NBAS: variants seen among roughly 807,000 people sequenced by gnomAD.
NBAS encodes the protein NBAS subunit of NRZ tethering complex, also known as NAG/BC035112 fusion.
A neutral mutation model predicts 302.5 loss-of-function variants in NBAS; 219 were observed. That is an observed-to-expected ratio of 0.72 (90% CI 0.65 to 0.81). The LOEUF (loss-of-function observed/expected upper bound fraction) is 0.81, where lower values mean the gene tolerates loss of function less well. Ranked by LOEUF, NBAS falls within the 30% of genes least tolerant of loss-of-function variation. NBAS has a pLI of 0.00. For missense variants in NBAS, 2,932 were observed against 2,841.6 expected, an observed-to-expected ratio of 1.03 and a Z score of -0.72; for synonymous variants, 1,118 against 1,021.6, an observed-to-expected ratio of 1.09 and a Z score of -1.80.
the NBAS span, among the ~76,000 whole-genome samples, chr2:15,151,327 C>CT: frequency 6.6e-6 from 1 of 152,200 alleles, no homozygotes; most frequent in African/African-American, 2.4e-5. Context: ...CCTTAGTTTT[C>CT]ATTATGGAGT....
At chr2:15,063,130 G>A in the NBAS span, among the ~76,000 whole-genome samples, 2 of 152,204 alleles carry the variant, frequency 1.3e-5, no homozygotes, top group Admixed American at 6.5e-5. Context: ...GGCAACTCCA[G>A]TACAAATCCG....
At chr2:15,293,385 T>C (rs1039279189) in intron 40 of NBAS, among the ~76,000 whole-genome samples, 1 of 152,206 alleles carries the variant, frequency 6.6e-6, no homozygotes, top group African/African-American at 2.4e-5. Flanking sequence ...GGGATATTAT[T>C]CTACGATTCT....
chr2:15,309,290 T>C, intron 38 of NBAS, 43 bp from the exon 39 acceptor site: 1 of 1,506,722 alleles, frequency 6.6e-7, no homozygotes, highest in South Asian at 1.2e-5. Context: ...AGGTTGCATA[T>C]GATATTCATA....
At chr2:15,158,450 T>C in the NBAS span, among the ~76,000 whole-genome samples, 2 of 152,190 alleles carry the variant, frequency 1.3e-5, no homozygotes, top group African/African-American at 4.8e-5. Context: ...GAGGCTGCCA[T>C]GGAATCTGCT....
At position 15,511,222 on chromosome 2, in the gene NBAS, C is replaced by T. The variant is rs756189576; in HGVS notation, c.875G>A (p.Gly292Glu). The change falls in exon 10 of 52, where the codon GGG becomes GAG. Residue 292 changes from glycine (G) to glutamate (E), a missense_variant. Transcript: ENST00000281513. Reference sequence around the variant, plus strand: ...ATAACTCATACTTACTGCAGTAACCCCGTCTCCACCATTAGTAACCTGCTT... The same window carrying T: ...ATAACTCATACTTACTGCAGTAACCTCGTCTCCACCATTAGTAACCTGCTT... ...YYKQVTNGGD[G>E]VTAVPKTLGL... The T allele has an allele frequency of 2.7e-5, 44 of 1,613,864 alleles. 1 individual carries two copies. In the East Asian group the frequency reaches 9.4e-4, roughly 34 times the overall value.
intron 32 of NBAS, among the ~76,000 whole-genome samples, chr2:15,358,553 T>G (rs777420523): frequency 6.6e-6 from 1 of 152,100 alleles, no homozygotes; most frequent in Non-Finnish European, 1.5e-5. Context: ...CAAGCAATCC[T>G]CCCACATCAG....
At chr2:14,900,056 A>G in the NBAS span, among the ~76,000 whole-genome samples, 1 of 151,958 alleles carries the variant, frequency 6.6e-6, no homozygotes, top group African/African-American at 2.4e-5. Flanking sequence ...AGGACATCCA[A>G]AAAGTGGTTA....
chr2:15,062,445 C>T, the NBAS span, among the ~76,000 whole-genome samples: 17 of 152,164 alleles, frequency 1.1e-4, no homozygotes, highest in African/African-American at 4.1e-4. Flanking sequence ...CCAGCATGAT[C>T]CTTTTATGTG....
At chr2:14,934,535 G>A in the NBAS span, among the ~76,000 whole-genome samples, 1 of 152,116 alleles carries the variant, frequency 6.6e-6, no homozygotes, top group Non-Finnish European at 1.5e-5. Flanking sequence ...AAAAAGCCCT[G>A]TGTTGTACAA....
At chr2:15,391,423 A>G (rs1675599024) in intron 28 of NBAS, among the ~76,000 whole-genome samples, 1 of 152,066 alleles carries the variant, frequency 6.6e-6, no homozygotes, top group Non-Finnish European at 1.5e-5. Context: ...GTACAAATTG[A>G]TGAGACATGA....
intron 48 of NBAS, among the ~76,000 whole-genome samples, chr2:15,209,060 C>T (rs1666282424): frequency 6.6e-6 from 1 of 151,554 alleles, no homozygotes; most frequent in Non-Finnish European, 1.5e-5. Flanking sequence ...GACAGATTAA[C>T]TTAAAAACAA....
At chr2:15,057,953 G>C in the NBAS span, among the ~76,000 whole-genome samples, 1 of 152,154 alleles carries the variant, frequency 6.6e-6, no homozygotes, top group East Asian at 1.9e-4. Context: ...GTAGATGTTG[G>C]CGCGGATGCA....
chr2:15,363,388 C>G (rs368017136), intron 32 of NBAS, among the ~76,000 whole-genome samples: 9 of 152,138 alleles, frequency 5.9e-5, no homozygotes, highest in Non-Finnish European at 1.3e-4. Flanking sequence ...CTTATGTTAT[C>G]AGATCAATTA....
rs147164280 is a variant in NBAS at position 15,234,716 on chromosome 2, T to A, written c.5975A>T (p.Asp1992Val). ...ETLQKYSHLY[D>V]LSRSEKEKLH... ...TTTCTCTTTTTCTGATCGGGACAGA[T>A]CATAGAGGTGACTGTATTTTTGCAG... The change falls in exon 46 of 52, where the codon GAT becomes GTT. Residue 1992 changes from aspartate (D) to valine (V), a missense_variant. Coordinates refer to ENST00000281513, the MANE Select transcript of NBAS (RefSeq NM_015909.4). 2 of 1,614,112 alleles carry A rather than the reference T, an allele frequency of 1.2e-6. No homozygotes were observed. The highest frequency in any genetic ancestry group is 4.5e-5 in the East Asian group (2 of 44,872).
At chr2:14,785,999 G>A in the NBAS span, among the ~76,000 whole-genome samples, 27 of 151,766 alleles carry the variant, frequency 1.8e-4, no homozygotes, top group Admixed American at 7.9e-4. Context: ...CAATTTCAGA[G>A]CCTGTTATTG....
At chr2:14,812,155 C>T in the NBAS span, among the ~76,000 whole-genome samples, 4 of 152,146 alleles carry the variant, frequency 2.6e-5, no homozygotes, top group African/African-American at 9.7e-5. Flanking sequence ...AGGCTAGGGG[C>T]CTCAGCTTCC....
At position 15,379,168 on chromosome 2, in the gene NBAS, C is replaced by T. The variant is rs144512981; in HGVS notation, c.3590+434G>A. On this transcript the variant is annotated intron_variant, in intron 30 of 51. Coordinates refer to ENST00000281513, the MANE Select transcript of NBAS (RefSeq NM_015909.4). ...CCAGGAAGTGACTTCGGAGGTTTAT[C>T]ATCTAATCAGGTCCCTTGTCTCTCT... Among the ~76,000 whole-genome samples, 137 of 149,040 alleles carry T rather than the reference C, an allele frequency of 9.2e-4. 1 individual carries two copies. The East Asian group carries it at 0.024, about 26-fold the overall frequency.
intron 9 of NBAS, among the ~76,000 whole-genome samples, chr2:15,530,678 T>C (rs1413997645): frequency 1.3e-5 from 2 of 151,954 alleles, no homozygotes; most frequent in African/African-American, 4.8e-5. Context: ...TGAAAAAAAT[T>C]ACAGGTCATT....
chr2:14,789,414 G>A, the NBAS span, among the ~76,000 whole-genome samples: 1 of 152,158 alleles, frequency 6.6e-6, no homozygotes, highest in African/African-American at 2.4e-5. Flanking sequence ...GAAATCACCT[G>A]TCTTCTGCGT....
Sources: gnomAD v4.1 joint callset for allele counts (sites outside exome capture counted in the v4.1 genomes callset) on GRCh38, gnomAD v4.1.1 for gene constraint, MANE v1.5 for transcripts, NCBI Gene and HGNC (gene_info 2026-07-23, HGNC 2026-07-21) for gene names.